The following ENTPD1 variants were observed in gnomAD, a reference collection of about 807,000 sequenced individuals.
The protein encoded by ENTPD1 is ATP diphosphohydrolase.
Under a neutral mutation model 57.0 loss-of-function variants are expected in ENTPD1, and 33 were observed. That is an observed-to-expected ratio of 0.58 (90% CI 0.44 to 0.77). The LOEUF is 0.77. ENTPD1 is among the 30% of genes least tolerant of loss of function. The pLI, the probability that ENTPD1 is intolerant of heterozygous loss-of-function variation, is 0.00. For synonymous variants in ENTPD1, 202 were observed against 218.8 expected (o/e 0.92, Z 0.68); for missense variants, 501 against 603.4 (o/e 0.83, Z 1.78).
intron 1 of ENTPD1, among the ~76,000 whole-genome samples, chr10:95,764,261 T>C (rs1435747359): frequency 1.3e-5 from 2 of 152,236 alleles, no homozygotes; most frequent in South Asian, 4.1e-4. Context: ...ATATATCCCA[T>C]TGAATGTATA....
At position 95,773,509 on chromosome 10, in the gene ENTPD1, G is replaced by A. The variant is rs1303502063; in HGVS notation, c.16+17254G>A. On this transcript the variant is annotated intron_variant, in intron 1 of 9. Coordinates refer to ENST00000371205, the MANE Select transcript of ENTPD1 (RefSeq NM_001776.6). Reference sequence around the variant, plus strand: ...GATTTATGGTCATCCAGCCTTTTTTGTTCCATTTATAGAGCACAGGCAGAG... The same window carrying A: ...GATTTATGGTCATCCAGCCTTTTTTATTCCATTTATAGAGCACAGGCAGAG... Among the ~76,000 whole-genome samples the A allele has an allele frequency of 2.0e-5, 3 of 151,584 alleles. No homozygotes were observed. In the East Asian group the frequency reaches 5.8e-4, roughly 29 times the overall value.
chr10:95,739,223 G>A (rs190219477), intron 1 of ENTPD1, among the ~76,000 whole-genome samples: 3 of 152,194 alleles, frequency 2.0e-5, no homozygotes, highest in Non-Finnish European at 4.4e-5. Flanking sequence ...CGAAGGTTGG[G>A]GTGGCTGTGG....
At chr10:95,805,546 G>A (rs2098268558) in intron 1 of ENTPD1, among the ~76,000 whole-genome samples, 1 of 152,152 alleles carries the variant, frequency 6.6e-6, no homozygotes, top group Non-Finnish European at 1.5e-5. Flanking sequence ...ATGTTAGCTG[G>A]TTATTTTGCC....
intron 1 of ENTPD1, among the ~76,000 whole-genome samples, chr10:95,761,692 C>A (rs1306989993): frequency 6.6e-6 from 1 of 152,198 alleles, no homozygotes; most frequent in Non-Finnish European, 1.5e-5. Context: ...ACTACTGTTA[C>A]ACAAAAAGGC....
At chr10:95,841,180 A>G (rs1289944465) in intron 3 of ENTPD1, among the ~76,000 whole-genome samples, 1 of 152,088 alleles carries the variant, frequency 6.6e-6, no homozygotes, top group East Asian at 1.9e-4. Flanking sequence ...AGGTCAGGAG[A>G]TGGAGACCAT....
chr10:95,726,997 C>G (rs1312193594), intron 1 of ENTPD1, among the ~76,000 whole-genome samples: 1 of 152,152 alleles, frequency 6.6e-6, no homozygotes, highest in Non-Finnish European at 1.5e-5. Context: ...CAGAGAACTC[C>G]CAAGAACATG....
In ENTPD1 at chr10:95,871,520, C is replaced by A. The variant is rs555740399; in HGVS notation, c.*5137C>A. On this transcript the variant is annotated 3_prime_UTR_variant, in exon 10 of 10. Coordinates refer to ENST00000371205, the MANE Select transcript of ENTPD1 (RefSeq NM_001776.6). ...AATTACCCAACTTTTTATTTGCATA[C>A]AAATCTAATACAACTGAACACAATC... 2.0e-6 allele frequency: 2 copies of A among 985,366 alleles called. No individual in the cohort carries two copies. The highest frequency in any genetic ancestry group is 2.4e-6 in the Non-Finnish European group (2 of 829,906). 61.0% of individuals were successfully genotyped at this position (985,366 alleles called of 1,614,324 possible). A position where few individuals can be genotyped will look rare whatever the true frequency, so the allele number is the denominator to read the frequency against.
rs573512555 is a variant in ENTPD1 at position 95,783,536 on chromosome 10, A to C, written c.16+27281A>C. The stretch of plus-strand genomic sequence containing the variant: ...TTATACTGGTCTGGGTTGTGTGAGC[A>C]TGTGTGTATCAGCTTGTTCTAATTC... On this transcript the variant is annotated intron_variant, in intron 1 of 9. Transcript: ENST00000371205. Among the ~76,000 whole-genome samples the C allele has an allele frequency of 1.1e-4, 16 of 152,264 alleles. No individual in the cohort carries two copies. In the East Asian group the frequency reaches 2.9e-3, roughly 28 times the overall value.
intron 1 of ENTPD1, among the ~76,000 whole-genome samples, chr10:95,757,512 G>T (rs1183117472): frequency 6.6e-6 from 1 of 152,120 alleles, no homozygotes; most frequent in East Asian, 1.9e-4. Flanking sequence ...AAGCTACTGG[G>T]GAAGTGATAC....
At chr10:95,721,070 T>G (rs148236723) in intron 1 of ENTPD1, among the ~76,000 whole-genome samples, 1 of 152,222 alleles carries the variant, frequency 6.6e-6, no homozygotes. Flanking sequence ...GCTGACTGAC[T>G]GATAAACTTA....
upstream of ENTPD1, chr10:95,754,713 CCATT>C (rs2098018108): frequency 6.6e-6 from 1 of 152,178 alleles, no homozygotes; most frequent in Non-Finnish European, 1.5e-5. Flanking sequence ...GAGAAGACAT[CCATT>C]GAGTCTTTCA....
rs575504928 is a variant in ENTPD1 at position 95,871,527 on chromosome 10, A to G, written c.*5144A>G. 4.1e-6 allele frequency: 4 copies of G among 985,442 alleles called. No individual in the cohort carries two copies. In the South Asian group the frequency reaches 1.9e-4, roughly 46 times the overall value. The allele number at this position is 985,442 out of a possible 1,614,324, so 61.0% of individuals were successfully genotyped here. A position where few individuals can be genotyped will look rare whatever the true frequency, so the allele number is the denominator to read the frequency against. ...CAACTTTTTATTTGCATACAAATCT[A>G]ATACAACTGAACACAATCAGTTTTA... On this transcript the variant is annotated 3_prime_UTR_variant, in exon 10 of 10. Transcript: ENST00000371205.
chr10:95,852,527 T>C (rs1242682739), intron 7 of ENTPD1, among the ~76,000 whole-genome samples: 4 of 152,194 alleles, frequency 2.6e-5, no homozygotes, highest in Non-Finnish European at 5.9e-5. Context: ...CTGAATAGTA[T>C]TGCCTAGGTT....
chr10:95,787,671 G>A lies in ENTPD1; in HGVS notation c.16+31416G>A, dbSNP rs34248770. On this transcript the variant is annotated intron_variant, in intron 1 of 9. Coordinates refer to ENST00000371205, the MANE Select transcript of ENTPD1 (RefSeq NM_001776.6). ...ATGTAGACTGTTGATGCAGTATCTC[G>A]AGGGGAGTTTGCACACTGGATATGT... Among the ~76,000 whole-genome samples, 666 of 152,264 alleles carry A rather than the reference G, an allele frequency of 4.4e-3. 3 individuals are homozygous for A. The highest frequency in any genetic ancestry group is 9.2e-3 in the Admixed American group (140 of 15,288).
chr10:95,777,944 G>A (rs145270202), intron 1 of ENTPD1, among the ~76,000 whole-genome samples: 136 of 152,290 alleles, frequency 8.9e-4, no homozygotes, highest in African/African-American at 3.1e-3. Flanking sequence ...CATGGGATCC[G>A]CTGAACCATG....
At chr10:95,736,902 CT>C (rs1177957298) in intron 1 of ENTPD1, among the ~76,000 whole-genome samples, 3 of 152,162 alleles carry the variant, frequency 2.0e-5, no homozygotes, top group African/African-American at 7.2e-5. Flanking sequence ...GTTCTGCTTT[CT>C]GACACTAAAA....
intron 8 of ENTPD1, among the ~76,000 whole-genome samples, chr10:95,863,402 A>C (rs573413039): frequency 4.6e-5 from 7 of 152,334 alleles, no homozygotes; most frequent in Admixed American, 3.3e-4. Flanking sequence ...AGGTCTTTTC[A>C]CAAAGGGAAA....
At chr10:95,769,768 G>A (rs1337987380) in intron 1 of ENTPD1, among the ~76,000 whole-genome samples, 3 of 152,216 alleles carry the variant, frequency 2.0e-5, no homozygotes, top group Non-Finnish European at 2.9e-5. Flanking sequence ...ACGGTGAAAA[G>A]TGATTGGATT....
chr10:95,792,336 T>C (rs1220108592), intron 1 of ENTPD1, among the ~76,000 whole-genome samples: 1 of 152,194 alleles, frequency 6.6e-6, no homozygotes, highest in Non-Finnish European at 1.5e-5. Flanking sequence ...TTTATTGCAA[T>C]TTTAGAATTA....
Sources: gnomAD v4.1 joint callset for allele counts (sites outside exome capture counted in the v4.1 genomes callset) on GRCh38, gnomAD v4.1.1 for gene constraint, MANE v1.5 for transcripts, NCBI Gene and HGNC (gene_info 2026-07-23, HGNC 2026-07-21) for gene names.